CCZ1: variants seen among roughly 807,000 people sequenced by gnomAD.
CCZ1 encodes vacuolar fusion protein CCZ1 homolog.
In CCZ1, 19 loss-of-function variants were observed where a neutral mutation model predicts 57.8. The ratio of observed to expected loss-of-function variants is 0.33; its 90% confidence interval spans 0.23 to 0.48. The LOEUF (loss-of-function observed/expected upper bound fraction) is 0.48. Ranked by LOEUF, CCZ1 falls within the 20% of genes least tolerant of loss-of-function variation. The pLI is 0.99. For missense variants in CCZ1, 200 were observed against 492.0 expected (o/e 0.41, Z 5.61); for synonymous variants, 81 against 167.0 (o/e 0.49, Z 3.97).
intron 8 of CCZ1, 131 bp from the exon 9 acceptor site, chr7:5,911,730 G>A: frequency 7.8e-7 from 1 of 1,280,320 alleles, no homozygotes; most frequent in Non-Finnish European, 1.1e-6. Context: ...CTGGGCAACA[G>A]AACAAGATCC....
chr7:5,911,235 T>TC (rs1781971591), intron 8 of CCZ1, among the ~76,000 whole-genome samples: 1 of 149,084 alleles, frequency 6.7e-6, no homozygotes, highest in African/African-American at 2.5e-5. Flanking sequence ...CACTGTGTTC[T>TC]CCCCAAAGTA....
intron 12 of CCZ1, among the ~76,000 whole-genome samples, chr7:5,920,951 G>T (rs978043010): frequency 2.0e-4 from 17 of 83,840 alleles, no homozygotes; most frequent in African/African-American, 3.8e-4. Context: ...TGTTTTTTGG[G>T]TTTTTTTTTT....
rs556370411 is a variant in CCZ1, at chr7:5,904,848, G to A, written c.523-246G>A. Among the ~76,000 whole-genome samples the A allele has an allele frequency of 8.1e-5, 12 of 148,114 alleles. 1 individual carries two copies. In the South Asian group the frequency reaches 2.6e-3, roughly 33 times the overall value. ...TCTGTCACAAAAAAATAAATTTAAA[G>A]CAGTAAAACACAATACTGAATAAAC... On this transcript the variant is annotated intron_variant, in intron 6 of 14. Transcript: ENST00000325974.
chr7:5,911,300 C>G (rs185374238), intron 8 of CCZ1, among the ~76,000 whole-genome samples: 1 of 148,912 alleles, frequency 6.7e-6, no homozygotes, highest in Admixed American at 6.6e-5. Flanking sequence ...TCACTCTCTT[C>G]GCTTGTTCGT....
chr7:5,916,612 T>C (rs1779153927), intron 10 of CCZ1, among the ~76,000 whole-genome samples: 1 of 146,372 alleles, frequency 6.8e-6, no homozygotes, highest in Non-Finnish European at 1.5e-5. Context: ...AGTGAGTGTT[T>C]CCCCATCGAG....
rs796636886 is a variant in CCZ1 at position 5,905,781 on chromosome 7, CAAAAAA to C, written c.698+533_698+538del. 9.0e-3 allele frequency among the ~76,000 whole-genome samples: 397 copies of C among 44,334 alleles called. 3 individuals carry two copies. Among genetic ancestry groups the C allele is most frequent in the African/African-American group, 0.026 (367 of 14,302 alleles). The allele number at this position is 44,334 out of a possible 152,430, so 29.1% of individuals were successfully genotyped here. On this transcript the variant is annotated intron_variant, in intron 7 of 14. Coordinates refer to ENST00000325974, the MANE Select transcript of CCZ1 (RefSeq NM_015622.6). ...TGGCAACAGAGAGAGACTCTGTCTC[CAAAAAA>C]AAAAAAAAAAAAAAAAAAAAGAGAA...
At chr7:5,909,786 C>T (rs938057597) in intron 7 of CCZ1, among the ~76,000 whole-genome samples, 16 of 149,772 alleles carry the variant, frequency 1.1e-4, no homozygotes, top group African/African-American at 3.7e-4. Context: ...ACAAAGTATA[C>T]CACGTAAATT....
chr7:5,920,117 A>T (rs1779208985), intron 12 of CCZ1, 151 bp downstream of exon 12: 1 of 1,229,768 alleles, frequency 8.1e-7, no homozygotes, highest in African/African-American at 1.7e-5. Context: ...CTCTGTCTGA[A>T]AGGGTCCCGG....
At chr7:5,911,156 A>T (rs966447530) in intron 8 of CCZ1, among the ~76,000 whole-genome samples, 2 of 149,236 alleles carry the variant, frequency 1.3e-5, no homozygotes, top group African/African-American at 5.0e-5. Flanking sequence ...TAGATGTTTT[A>T]GTGCCTACCC....
intron 7 of CCZ1, among the ~76,000 whole-genome samples, chr7:5,907,404 A>C (rs911200031): frequency 1.3e-5 from 2 of 149,212 alleles, no homozygotes; most frequent in African/African-American, 5.0e-5. Context: ...GGGAGATGTC[A>C]TGTGACAAGC....
At position 5,906,323 on chromosome 7, in the gene CCZ1, C is replaced by CTT. The variant is rs398066572; in HGVS notation, c.698+1071_698+1072dup. ...TGACTAGAGCCCACTTTCTTTCTTT[C>CTT]TTTTTTTTTTTTTTTTTTGAGACGG... On this transcript the variant is annotated intron_variant, in intron 7 of 14. Transcript: ENST00000325974. Among the ~76,000 whole-genome samples, 855 of 127,998 alleles carry CTT rather than the reference C, an allele frequency of 6.7e-3. 46 individuals are homozygous for CTT. The highest frequency in any genetic ancestry group is 0.026 in the East Asian group (90 of 3,522). The allele number at this position is 127,998 out of a possible 152,430, so 84.0% of individuals were successfully genotyped here.
chr7:5,910,416 G>A (rs572597945), intron 8 of CCZ1, among the ~76,000 whole-genome samples: 1 of 149,254 alleles, frequency 6.7e-6, no homozygotes, highest in Non-Finnish European at 1.5e-5. Context: ...GCCTGGGATG[G>A]AGAGGTTCAA....
At chr7:5,905,021 A>G in intron 6 of CCZ1, 73 bp from the exon 7 acceptor site, 3 of 1,171,098 alleles carry the variant, frequency 2.6e-6, no homozygotes. Context: ...ACATAAGATT[A>G]TTTTCAGTTA....
chr7:5,908,547 T>C (rs1438851750), intron 7 of CCZ1, among the ~76,000 whole-genome samples: 1 of 147,330 alleles, frequency 6.8e-6, no homozygotes, highest in Admixed American at 6.7e-5. Context: ...CCTAGCAAAT[T>C]TTTATATTTT....
rs371384160 is a variant in CCZ1, at chr7:5,901,955, A to G, written c.438+251A>G. 5.6e-4 allele frequency: 267 copies of G among 479,600 alleles called. 20 individuals carry two copies. In the East Asian group the frequency reaches 6.1e-3, roughly 11 times the overall value. 29.7% of individuals were successfully genotyped at this position (479,600 alleles called of 1,614,324 possible). ...TCCCCATTGATGAAAAAGTGTGTCT[A>G]TGTGCTCAAGGAATGTACAGAATGC... On this transcript the variant is annotated intron_variant, in intron 5 of 14. Coordinates refer to ENST00000325974, the MANE Select transcript of CCZ1 (RefSeq NM_015622.6).
chr7:5,907,553 C>G (rs1781862418), intron 7 of CCZ1, among the ~76,000 whole-genome samples: 1 of 146,642 alleles, frequency 6.8e-6, no homozygotes, highest in South Asian at 2.3e-4. Flanking sequence ...AGGCTTAGAG[C>G]AGAGGGTCTT....
rs534289355 is a variant in CCZ1 at position 5,913,878 on chromosome 7, G to A, written c.954+924G>A. ...CAATCGAGGGTCTGTTTAAAGAAAG[G>A]AAACAGTCTGAAGAGACCCAGAGTG... On this transcript the variant is annotated intron_variant, in intron 10 of 14. Transcript: ENST00000325974. Among the ~76,000 whole-genome samples, 574 of 136,386 alleles carry A rather than the reference G, an allele frequency of 4.2e-3. 3 individuals are homozygous for A. Among genetic ancestry groups the A allele is most frequent in the Non-Finnish European group, 6.6e-3 (417 of 63,338 alleles). 89.5% of individuals were successfully genotyped at this position (136,386 alleles called of 152,430 possible).
chr7:5,905,584 C>A (rs1389075840), intron 7 of CCZ1, among the ~76,000 whole-genome samples: 1 of 144,632 alleles, frequency 6.9e-6, no homozygotes, highest in African/African-American at 2.6e-5. Flanking sequence ...GAGTTGGAGA[C>A]CAGCCTGGTC....
At chr7:5,911,386 T>C (rs1394765501) in intron 8 of CCZ1, among the ~76,000 whole-genome samples, 1 of 149,008 alleles carries the variant, frequency 6.7e-6, no homozygotes, top group African/African-American at 2.5e-5. Flanking sequence ...TCGCATGGTC[T>C]CAAACTCCTG....
Sources: allele counts gnomAD v4.1 joint callset (sites outside exome capture counted in the v4.1 genomes callset), GRCh38; gene constraint gnomAD v4.1.1; transcripts MANE v1.5; gene names NCBI Gene and HGNC (gene_info 2026-07-23, HGNC 2026-07-21).